The following LPP variants were observed in gnomAD, a reference collection of about 807,000 sequenced individuals.
LPP encodes the protein lipoma-preferred partner.
In LPP, 38 loss-of-function variants were observed where a neutral mutation model predicts 60.4. The ratio of observed to expected loss-of-function variants is 0.63; its 90% confidence interval spans 0.49 to 0.83. The LOEUF (loss-of-function observed/expected upper bound fraction) is 0.83, where lower values mean the gene tolerates loss of function less well. LPP is among the 40% of genes least tolerant of loss of function. LPP has a pLI of 0.00. For missense variants in LPP, 902 were observed against 783.6 expected, an observed-to-expected ratio of 1.15 and a Z score of -1.80; for synonymous variants, 328 against 290.8, an observed-to-expected ratio of 1.13 and a Z score of -1.30.
rs548538857 is a variant in LPP at position 188,528,059 on chromosome 3, A to C, written c.429+3272A>C. ...GTGTTTGTCAGGGAGTAGTTTTAGA[A>C]TAACAGATGAGAAAAGTTCAGACAT... On this transcript the variant is annotated intron_variant, in intron 6 of 11. Transcript: ENST00000617246. 1.3e-4 allele frequency among the ~76,000 whole-genome samples: 20 copies of C among 152,364 alleles called. 1 individual carries two copies. In the South Asian group the frequency reaches 3.9e-3, roughly 30 times the overall value.
chr3:188,295,761 T>C (rs1222841307), intron 2 of LPP, among the ~76,000 whole-genome samples: 1 of 152,176 alleles, frequency 6.6e-6, no homozygotes, highest in Non-Finnish European at 1.5e-5. Context: ...GTTGAACTCC[T>C]GAGCTGAAGT....
At chr3:188,277,918 C>A (rs1477605610) in intron 2 of LPP, among the ~76,000 whole-genome samples, 1 of 152,176 alleles carries the variant, frequency 6.6e-6, no homozygotes, top group Non-Finnish European at 1.5e-5. Context: ...CCAGTGATGA[C>A]CCTTTAGTAG....
chr3:188,535,108 C>A (rs1041887471), intron 6 of LPP, among the ~76,000 whole-genome samples: 6 of 150,572 alleles, frequency 4.0e-5, no homozygotes, highest in Non-Finnish European at 7.4e-5. Flanking sequence ...TTTACAAATG[C>A]GGACAGAACC....
chr3:188,874,554 A>G lies in LPP; in HGVS notation c.*75A>G. 6.6e-7 allele frequency: 1 copy of G among 1,513,840 alleles called. No homozygotes were observed. The highest frequency in any genetic ancestry group is 1.2e-5 in the South Asian group (1 of 83,908). The allele number at this position is 1,513,840 out of a possible 1,614,324, so 93.8% of individuals were successfully genotyped here. A position where few individuals can be genotyped will look rare whatever the true frequency, so the allele number is the denominator to read the frequency against. ...GATAAGAAATACTAGAGTAAAGGCC[A>G]TCAAACTACGCGATAGTCTCTGTTC... On this transcript the variant is annotated 3_prime_UTR_variant, in exon 12 of 12. Coordinates refer to ENST00000617246, the MANE Select transcript of LPP (RefSeq NM_001375462.1).
At chr3:188,676,781 A>G (rs1858205903) in intron 7 of LPP, among the ~76,000 whole-genome samples, 1 of 152,088 alleles carries the variant, frequency 6.6e-6, no homozygotes, top group African/African-American at 2.4e-5. Flanking sequence ...CCTTTGTGTA[A>G]TTGCCTCCCA....
chr3:188,373,764 A>G (rs1209070239), intron 3 of LPP, among the ~76,000 whole-genome samples: 1 of 151,992 alleles, frequency 6.6e-6, no homozygotes, highest in Admixed American at 6.6e-5. Flanking sequence ...TTGGTGTTTT[A>G]GACATGAAGT....
intron 9 of LPP, among the ~76,000 whole-genome samples, chr3:188,854,400 G>A (rs1763350353): frequency 6.6e-6 from 1 of 152,144 alleles, no homozygotes; most frequent in Non-Finnish European, 1.5e-5. Context: ...CTCATGAATG[G>A]GTCCTAGAGC....
intron 9 of LPP, among the ~76,000 whole-genome samples, chr3:188,775,661 T>C (rs1005379626): frequency 8.5e-5 from 13 of 152,224 alleles, no homozygotes; most frequent in Middle Eastern, 3.2e-3. Flanking sequence ...GCAAAGCTGC[T>C]GGAATAACGA....
rs1491273193 is a variant in LPP at position 188,250,771 on chromosome 3, T to TG, written c.-67+25244_-67+25245insG. 1.3e-3 allele frequency among the ~76,000 whole-genome samples: 147 copies of TG among 114,300 alleles called. 2 individuals carry two copies. Among genetic ancestry groups the TG allele is most frequent in the African/African-American group, 6.0e-3 (130 of 21,518 alleles). 75.0% of individuals were successfully genotyped at this position (114,300 alleles called of 152,430 possible). ...CTTTCTTTCTTTCTTTCTTTCTTTC[T>TG]TTCTTTCTTTCTTTCTGTCTTTCTC... is the stretch of plus-strand genomic sequence containing the variant. On this transcript the variant is annotated intron_variant, in intron 2 of 11. Coordinates refer to ENST00000617246, the MANE Select transcript of LPP (RefSeq NM_001375462.1).
intron 7 of LPP, among the ~76,000 whole-genome samples, chr3:188,654,234 C>A (rs190739783): frequency 3.4e-4 from 51 of 152,230 alleles, no homozygotes; most frequent in African/African-American, 1.2e-3. Flanking sequence ...AAACGATGTT[C>A]TTTAGGAATT....
rs1424172900 is a variant in LPP at position 188,609,906 on chromosome 3, C to G, written c.1113+62C>G. 3.3e-6 allele frequency: 5 copies of G among 1,497,922 alleles called. No homozygotes were observed. In the East Asian group the frequency reaches 9.1e-5, roughly 27 times the overall value. The allele number at this position is 1,497,922 out of a possible 1,614,324, so 92.8% of individuals were successfully genotyped here. Reference sequence around the variant, plus strand: ...GGTGCCTATCTTAGTCTGCCTTCCCCAGGAAGCGAAGCCTAAGGCAAAAGT... The same window carrying G: ...GGTGCCTATCTTAGTCTGCCTTCCCGAGGAAGCGAAGCCTAAGGCAAAAGT... On this transcript the variant is annotated intron_variant, in intron 7 of 11. Coordinates refer to ENST00000617246, the MANE Select transcript of LPP (RefSeq NM_001375462.1). This position sits in a 1 kb window ranked among gnomAD's most constrained non-coding sequence, Gnocchi z 6.9.
intron 7 of LPP, among the ~76,000 whole-genome samples, chr3:188,624,170 A>G (rs1846334097): frequency 6.6e-6 from 1 of 152,214 alleles, no homozygotes; most frequent in African/African-American, 2.4e-5. Context: ...TTCAAGAGCA[A>G]TGTCTTTTCA....
rs117490471 is a variant in LPP, at chr3:188,266,830, G to A, written c.-67+41303G>A. 4.8e-4 allele frequency among the ~76,000 whole-genome samples: 73 copies of A among 152,182 alleles called. No individual in the cohort carries two copies. In the East Asian group the frequency reaches 9.7e-3, roughly 20 times the overall value. ...CACTTATTTAGCACTTTCTATTGCCGTTACTGAGCAGATTACAGAATCCTC... is the reference window on the plus strand; with the variant it reads ...CACTTATTTAGCACTTTCTATTGCCATTACTGAGCAGATTACAGAATCCTC... On this transcript the variant is annotated intron_variant, in intron 2 of 11. Transcript: ENST00000617246.
intron 9 of LPP, 151 bp downstream of exon 9, chr3:188,760,433 T>TGTGC (rs1553836277): frequency 4.1e-6 from 3 of 730,128 alleles, no homozygotes; most frequent in Admixed American, 2.8e-5. Context: ...TGTGTGTGTG[T>TGTGC]GTGCGTGCGC....
At chr3:188,456,837 C>G (rs1293848973) in intron 4 of LPP, among the ~76,000 whole-genome samples, 2 of 152,156 alleles carry the variant, frequency 1.3e-5, no homozygotes, top group Non-Finnish European at 2.9e-5. Flanking sequence ...TCTATAATTA[C>G]TTTTAAGATT....
At chr3:188,392,443 C>G (rs1378555534) in intron 3 of LPP, among the ~76,000 whole-genome samples, 3 of 152,154 alleles carry the variant, frequency 2.0e-5, no homozygotes, top group Non-Finnish European at 2.9e-5. Context: ...CCTCGCTGCA[C>G]TGTTTTGACC....
At chr3:188,675,663 C>T (rs1857902959) in intron 7 of LPP, among the ~76,000 whole-genome samples, 1 of 152,178 alleles carries the variant, frequency 6.6e-6, no homozygotes, top group African/African-American at 2.4e-5. Flanking sequence ...AAATGTCCTT[C>T]TGGAATTACA....
At chr3:188,512,558 TATAAATAAATAA>T (rs10663448) in intron 5 of LPP, among the ~76,000 whole-genome samples, 12 of 140,736 alleles carry the variant, frequency 8.5e-5, no homozygotes, top group Admixed American at 5.0e-4. Context: ...AAACCCGGTC[TATAAATAAATAA>T]ATAAATAAAT....
At chr3:188,439,290 C>T (rs966703074) in intron 4 of LPP, among the ~76,000 whole-genome samples, 2 of 152,164 alleles carry the variant, frequency 1.3e-5, no homozygotes, top group Admixed American at 6.5e-5. Context: ...AACCATCATT[C>T]GCTTCCTCAA....
Sources: allele counts gnomAD v4.1 joint callset (sites outside exome capture counted in the v4.1 genomes callset), GRCh38; gene constraint gnomAD v4.1.1; non-coding constraint Gnocchi (gnomAD v3.1); transcripts MANE v1.5; gene names NCBI Gene and HGNC (gene_info 2026-07-23, HGNC 2026-07-21).